Variants in FOXP1 observed in about 807,000 individuals in gnomAD.
FOXP1 encodes the protein forkhead box P1, also known as forkhead box protein P1.
A neutral mutation model predicts 98.2 loss-of-function variants in FOXP1; 15 were observed. That is an observed-to-expected ratio of 0.15 (90% CI 0.10 to 0.24). The LOEUF (loss-of-function observed/expected upper bound fraction) is 0.24, where lower values mean the gene tolerates loss of function less well. FOXP1 is among the 10% of genes least tolerant of loss of function. The pLI is 1.00. For synonymous variants in FOXP1, 371 were observed against 314.5 expected (o/e 1.18, Z -1.90); for missense variants, 633 against 848.5 (o/e 0.75, Z 3.15).
chr3:71,344,820 G>A (rs1048406339), intron 4 of FOXP1, among the ~76,000 whole-genome samples: 26 of 145,106 alleles, frequency 1.8e-4, no homozygotes, highest in Admixed American at 2.9e-4. Context: ...GGGAAAGAGC[G>A]AGAGTCCGTC....
intron 2 of FOXP1, among the ~76,000 whole-genome samples, chr3:71,569,349 T>C (rs926531789): frequency 6.6e-6 from 1 of 152,166 alleles, no homozygotes; most frequent in African/African-American, 2.4e-5. Flanking sequence ...CAGAAAACAC[T>C]TGCAACTCCA....
chr3:71,543,512 C>T (rs1383185854), intron 2 of FOXP1: 1 of 152,504 alleles, frequency 6.6e-6, no homozygotes, highest in East Asian at 1.9e-4. Context: ...ACACCAAGCC[C>T]TGGTTAGCCA....
At chr3:71,433,726 C>T (rs2084946564) in intron 3 of FOXP1, among the ~76,000 whole-genome samples, 3 of 152,316 alleles carry the variant, frequency 2.0e-5, no homozygotes, top group Admixed American at 6.5e-5. Flanking sequence ...TTTTCTGTTA[C>T]TCGGGAGAGC....
chr3:70,960,233 C>G (rs950356226), intron 20 of FOXP1, among the ~76,000 whole-genome samples: 5 of 152,168 alleles, frequency 3.3e-5, no homozygotes, highest in African/African-American at 4.8e-5. Context: ...CCAGGAAACA[C>G]AAACGTAGAG....
intron 8 of FOXP1, among the ~76,000 whole-genome samples, 174 bp downstream of exon 8, chr3:71,053,462 G>A (rs991587703): frequency 6.6e-6 from 1 of 152,086 alleles, no homozygotes; most frequent in African/African-American, 2.4e-5. Context: ...TCTCTTTTGG[G>A]CATGCAAAAG....
intron 6 of FOXP1, among the ~76,000 whole-genome samples, chr3:71,174,238 T>A (rs1217338768): frequency 6.6e-6 from 1 of 152,182 alleles, no homozygotes; most frequent in Admixed American, 6.5e-5. Flanking sequence ...AAGATTACTG[T>A]GGAGGGGGGA....
chr3:71,058,325 TAAA>T (rs1162418421), intron 7 of FOXP1, among the ~76,000 whole-genome samples: 1 of 152,300 alleles, frequency 6.6e-6, no homozygotes, highest in Middle Eastern at 3.4e-3. Flanking sequence ...ATACAAATAA[TAAA>T]AAGAGAAGAT....
At chr3:71,086,455 G>T (rs1486322326) in intron 7 of FOXP1, among the ~76,000 whole-genome samples, 2 of 152,288 alleles carry the variant, frequency 1.3e-5, no homozygotes, top group East Asian at 3.9e-4. Context: ...ATTATGCAAT[G>T]TACCGGGGGG....
chr3:71,351,383 G>C (rs2077769184), intron 4 of FOXP1, among the ~76,000 whole-genome samples: 1 of 152,144 alleles, frequency 6.6e-6, no homozygotes, highest in Non-Finnish European at 1.5e-5. Context: ...TTTAGAAGTG[G>C]GCTGTCTGCT....
intron 11 of FOXP1, among the ~76,000 whole-genome samples, 197 bp from the exon 12 acceptor site, chr3:71,015,850 G>A (rs1243428614): frequency 6.6e-6 from 1 of 152,192 alleles, no homozygotes; most frequent in Admixed American, 6.5e-5. Context: ...GTACCTAAGT[G>A]TATTTAGTCA....
intron 5 of FOXP1, among the ~76,000 whole-genome samples, chr3:71,201,002 G>T (rs2063639421): frequency 6.6e-6 from 1 of 152,180 alleles, no homozygotes; most frequent in South Asian, 2.1e-4. Context: ...AAAGTGGATT[G>T]AGAATGGCAT....
intron 13 of FOXP1, 47 bp from the exon 14 acceptor site, chr3:70,988,124 G>A: frequency 6.7e-7 from 1 of 1,500,962 alleles, no homozygotes; most frequent in Non-Finnish European, 9.3e-7. Flanking sequence ...AAAGATGCAT[G>A]GCTCTTAACA....
chr3:71,513,785 T>C (rs1406644868), intron 2 of FOXP1, among the ~76,000 whole-genome samples: 2 of 152,202 alleles, frequency 1.3e-5, no homozygotes, highest in African/African-American at 4.8e-5. Flanking sequence ...CAAGCCCAGC[T>C]GCTGAAACTG....
At chr3:71,152,259 A>G (rs1159336828) in intron 6 of FOXP1, among the ~76,000 whole-genome samples, 1 of 152,140 alleles carries the variant, frequency 6.6e-6, no homozygotes, top group Non-Finnish European at 1.5e-5. Context: ...ATTGAATTCC[A>G]CCAACAGTTA....
chr3:71,422,020 T>TA (rs781500991), intron 3 of FOXP1, among the ~76,000 whole-genome samples: 29 of 152,352 alleles, frequency 1.9e-4, no homozygotes, highest in Non-Finnish European at 4.1e-4. Flanking sequence ...GCCCAACTTT[T>TA]TAAGACAGTC....
chr3:71,526,643 G>A (rs2043403215), intron 2 of FOXP1, among the ~76,000 whole-genome samples: 1 of 152,122 alleles, frequency 6.6e-6, no homozygotes, highest in South Asian at 2.1e-4. Flanking sequence ...CCAAGCCTCA[G>A]CCATCCCACC....
At chr3:71,241,189 G>A (rs528811970) in intron 5 of FOXP1, among the ~76,000 whole-genome samples, 12 of 151,236 alleles carry the variant, frequency 7.9e-5, no homozygotes, top group South Asian at 2.1e-4. Context: ...TAGCCCAGGC[G>A]ACAGTGTGAG....
chr3:71,480,192 A>G (rs1370191051), intron 3 of FOXP1, among the ~76,000 whole-genome samples: 1 of 152,180 alleles, frequency 6.6e-6, no homozygotes, highest in Non-Finnish European at 1.5e-5. Flanking sequence ...CTGTCTCAAG[A>G]AAACAAACAA....
chr3:71,500,795 A>T (rs1342645604), intron 2 of FOXP1, among the ~76,000 whole-genome samples: 2 of 151,990 alleles, frequency 1.3e-5, no homozygotes, highest in African/African-American at 4.8e-5. Flanking sequence ...AAGTACCATC[A>T]CCTTCCTCCA....
Sources: allele counts gnomAD v4.1 joint callset (sites outside exome capture counted in the v4.1 genomes callset), GRCh38; gene constraint gnomAD v4.1.1; transcripts MANE v1.5; gene names NCBI Gene and HGNC (gene_info 2026-07-23, HGNC 2026-07-21).